The following CREBRF variants were observed in gnomAD, a reference collection of about 807,000 sequenced individuals.
The protein encoded by CREBRF is UPF0474 protein C5orf41.
In CREBRF, 5 loss-of-function variants were observed where a neutral mutation model predicts 66.1. The ratio of observed to expected loss-of-function variants is 0.08; its 90% CI spans 0.04 to 0.16. The LOEUF is 0.16. Ranked by LOEUF, CREBRF falls within the 10% of genes least tolerant of loss-of-function variation. CREBRF has a pLI of 1.00. For synonymous variants in CREBRF, 229 were observed against 264.4 expected, an observed-to-expected ratio of 0.87 and a Z score of 1.30; for missense variants, 531 against 744.9, an observed-to-expected ratio of 0.71 and a Z score of 3.34.
At chr5:173,106,839 T>A (rs1414198084) in intron 4 of CREBRF, among the ~76,000 whole-genome samples, 4 of 152,122 alleles carry the variant, frequency 2.6e-5, no homozygotes, top group Non-Finnish European at 5.9e-5. Flanking sequence ...AACCTCTGCC[T>A]CCTGGGTTCA....
chr5:173,133,774 T>C lies in CREBRF; in HGVS notation c.*29T>C. 1.6e-6 allele frequency: 2 copies of C among 1,223,708 alleles called. No individual in the cohort carries two copies. Among genetic ancestry groups the C allele is most frequent in the Admixed American group, 1.9e-5 (1 of 52,226 alleles). 75.8% of individuals were successfully genotyped at this position (1,223,708 alleles called of 1,614,324 possible). ...GCCTCATTGGACCACTGGTCAGAAA[T>C]GTCTGCGTTTTGTCACGTTATCCAT... On this transcript the variant is annotated 3_prime_UTR_variant, in exon 9 of 9. Transcript: ENST00000296953.
intron 7 of CREBRF, among the ~76,000 whole-genome samples, chr5:173,115,108 CT>C (rs751890606): frequency 2.0e-3 from 279 of 140,228 alleles, no homozygotes; most frequent in East Asian, 4.5e-3. Context: ...TTTTCTTTTT[CT>C]TTTTTTTTTT....
In CREBRF at chr5:173,106,732, CTATTTTATTT is replaced by C. The variant is rs70984940; in HGVS notation, c.1223-1867_1223-1858del. On this transcript the variant is annotated intron_variant, in intron 4 of 8. Coordinates refer to ENST00000296953, the MANE Select transcript of CREBRF (RefSeq NM_153607.3). ...TGATCACCCCCGAAAATTCCCTCTT[CTATTTTATTT>C]TATTTTATTTTATTTTATTTTATTG... Among the ~76,000 whole-genome samples the C allele has an allele frequency of 7.0e-3, 1,036 of 148,246 alleles. 8 individuals carry two copies. The highest frequency in any genetic ancestry group is 0.011 in the Non-Finnish European group (764 of 67,204).
chr5:173,059,825 A>G (rs1757213062), intron 1 of CREBRF, among the ~76,000 whole-genome samples: 1 of 152,214 alleles, frequency 6.6e-6, no homozygotes, highest in Non-Finnish European at 1.5e-5. Context: ...TATGACTGGT[A>G]TATCAGCTTT....
At chr5:173,131,260 A>G (rs1479970508) in intron 8 of CREBRF, among the ~76,000 whole-genome samples, 10 of 152,194 alleles carry the variant, frequency 6.6e-5, no homozygotes, top group Admixed American at 6.5e-4. Context: ...TAACTATTTT[A>G]GCCTGTATTG....
intron 7 of CREBRF, among the ~76,000 whole-genome samples, chr5:173,114,574 A>G (rs1758939614): frequency 6.6e-6 from 1 of 152,232 alleles, no homozygotes; most frequent in Non-Finnish European, 1.5e-5. Flanking sequence ...CTCATAATAG[A>G]AAATAAATTT....
chr5:173,101,919 T>G (rs925488937), intron 4 of CREBRF, among the ~76,000 whole-genome samples: 2 of 152,230 alleles, frequency 1.3e-5, no homozygotes, highest in African/African-American at 4.8e-5. Context: ...TCCTATAATG[T>G]GCATTTCATT....
intron 4 of CREBRF, chr5:173,091,605 G>A: frequency 7.7e-7 from 1 of 1,299,886 alleles, no homozygotes; most frequent in Non-Finnish European, 9.8e-7. Flanking sequence ...GGATTCATAA[G>A]CTGATTCCTT....
At chr5:173,113,167 C>T (rs1245210499) in intron 7 of CREBRF, among the ~76,000 whole-genome samples, 8 of 152,022 alleles carry the variant, frequency 5.3e-5, no homozygotes, top group Non-Finnish European at 8.8e-5. Context: ...TGATTTTTTG[C>T]ATTTTTCATA....
At chr5:173,058,919 C>T (rs1757170775) in intron 1 of CREBRF, among the ~76,000 whole-genome samples, 2 of 151,270 alleles carry the variant, frequency 1.3e-5, no homozygotes, top group Non-Finnish European at 2.9e-5. Context: ...CCTCAGCCTC[C>T]CGAGTAGCTG....
intron 1 of CREBRF, chr5:173,067,999 CAAA>C: frequency 3.6e-6 from 1 of 278,766 alleles, no homozygotes; most frequent in South Asian, 3.0e-5. Flanking sequence ...GACTCCACCT[CAAA>C]AAAAAAAAAT....
chr5:173,123,350 G>C, intron 8 of CREBRF, 148 bp downstream of exon 8: 1 of 645,380 alleles, frequency 1.5e-6, no homozygotes. Flanking sequence ...TTTATCTTTT[G>C]AGATTTAGTG....
Position 173,103,195 on chromosome 5 carries a change from AT to A in CREBRF, c.1223-5426del, listed in dbSNP as rs374267797. 1.4e-4 allele frequency among the ~76,000 whole-genome samples: 22 copies of A among 152,288 alleles called. No individual in the cohort carries two copies. The East Asian group carries it at 4.2e-3, about 29-fold the overall frequency. On this transcript the variant is annotated intron_variant, in intron 4 of 8. Transcript: ENST00000296953. ...AGGGTCAAGTTCTCTTCTTGGACCT[AT>A]TTGACAATTATCCCAAATTTGTGGA...
chr5:173,078,814 TGC>T (rs1023766922), intron 1 of CREBRF, among the ~76,000 whole-genome samples: 2 of 152,144 alleles, frequency 1.3e-5, no homozygotes, highest in Admixed American at 1.3e-4. Context: ...TGTGAGCCAC[TGC>T]GCCCAGCCGA....
At chr5:173,079,993 A>G (rs1437630552) in intron 1 of CREBRF, among the ~76,000 whole-genome samples, 1 of 152,174 alleles carries the variant, frequency 6.6e-6, no homozygotes, top group Non-Finnish European at 1.5e-5. Context: ...TCAAACATAC[A>G]CCTGTTAAAA....
At chr5:173,069,556 A>G (rs2113676486) in intron 1 of CREBRF, among the ~76,000 whole-genome samples, 1 of 152,192 alleles carries the variant, frequency 6.6e-6, no homozygotes, top group Non-Finnish European at 1.5e-5. Context: ...TCCTGGCCTC[A>G]AGTGATCCAC....
intron 4 of CREBRF, among the ~76,000 whole-genome samples, chr5:173,107,965 G>T (rs1758788695): frequency 6.6e-6 from 1 of 151,662 alleles, no homozygotes. Context: ...CCGAGTAGCT[G>T]GGATTGCAGG....
intron 1 of CREBRF, among the ~76,000 whole-genome samples, chr5:173,078,756 C>T (rs868274304): frequency 3.3e-5 from 5 of 151,880 alleles, no homozygotes; most frequent in Non-Finnish European, 5.9e-5. Flanking sequence ...AACTCCTGAC[C>T]TCAAGTGATC....
intron 8 of CREBRF, among the ~76,000 whole-genome samples, chr5:173,127,244 C>G (rs997967036): frequency 1.3e-5 from 2 of 148,282 alleles, no homozygotes; most frequent in African/African-American, 2.5e-5. Context: ...CTCACTGCAA[C>G]CTCCGCCTCC....
Sources: gnomAD v4.1 joint callset for allele counts (sites outside exome capture counted in the v4.1 genomes callset) on GRCh38, gnomAD v4.1.1 for gene constraint, MANE v1.5 for transcripts, NCBI Gene and HGNC (gene_info 2026-07-23, HGNC 2026-07-21) for gene names.